DOCK10: variants seen among roughly 807,000 people sequenced by gnomAD.
DOCK10 encodes the protein dedicator of cytokinesis 10.
A neutral mutation model predicts 280.1 loss-of-function variants in DOCK10; 145 were observed. That is an observed-to-expected ratio of 0.52 (90% CI 0.45 to 0.59). The LOEUF (loss-of-function observed/expected upper bound fraction) is 0.59. Ranked by LOEUF, DOCK10 falls within the 20% of genes least tolerant of loss-of-function variation. DOCK10 has a pLI of 0.00. For synonymous variants in DOCK10, 915 were observed against 942.2 expected (o/e 0.97, Z 0.53); for missense variants, 2,368 against 2,651.7 (o/e 0.89, Z 2.35).
intron 14 of DOCK10, 125 bp from the exon 15 acceptor site, chr2:224,857,107 A>G: frequency 1.2e-5 from 9 of 772,012 alleles, no homozygotes; most frequent in Non-Finnish European, 1.6e-5. Flanking sequence ...TATAAAATAA[A>G]AAGACCAAAA....
At chr2:224,948,911 T>C (rs1703575814) in intron 1 of DOCK10, among the ~76,000 whole-genome samples, 1 of 152,258 alleles carries the variant, frequency 6.6e-6, no homozygotes, top group African/African-American at 2.4e-5. Context: ...TATTTTGTCC[T>C]CTATTCCTCT....
intron 1 of DOCK10, among the ~76,000 whole-genome samples, chr2:225,029,898 C>T (rs982005135): frequency 1.3e-5 from 2 of 151,932 alleles, no homozygotes; most frequent in Non-Finnish European, 2.9e-5. Flanking sequence ...AATCCCAGCA[C>T]TTTGGGAGGC....
chr2:224,846,314 C>A (rs1317139274), intron 19 of DOCK10, among the ~76,000 whole-genome samples: 1 of 152,098 alleles, frequency 6.6e-6, no homozygotes. Context: ...TTAAGGGACA[C>A]GAATTGAATA....
At chr2:224,821,847 CCCCCTTTAAACTTTT>C (rs1370440154) in intron 28 of DOCK10, among the ~76,000 whole-genome samples, 1 of 152,018 alleles carries the variant, frequency 6.6e-6, no homozygotes, top group Non-Finnish European at 1.5e-5. Context: ...GTAACTTTTC[CCCCCTTTAAACTTTT>C]CCCCTTTAAC....
Position 224,931,531 on chromosome 2 carries a change from T to C in DOCK10, c.243+18A>G. On this transcript the variant is annotated intron_variant, in intron 2 of 55. Transcript: ENST00000258390. ...AGGGCCCTCCTGAATCTAAATGGCT[T>C]GAGAAGAGAAGACTTACTGAAAAGT... The C allele has an allele frequency of 6.3e-7, 1 of 1,593,740 alleles. No individual in the cohort carries two copies. The highest frequency in any genetic ancestry group is 2.3e-5 in the East Asian group (1 of 44,408).
intron 2 of DOCK10, among the ~76,000 whole-genome samples, chr2:224,927,094 G>T (rs1367280863): frequency 1.3e-5 from 2 of 152,182 alleles, no homozygotes; most frequent in Admixed American, 1.3e-4. Flanking sequence ...GGAAGTCAGG[G>T]ATGCTTCTTT....
intron 1 of DOCK10, among the ~76,000 whole-genome samples, chr2:224,969,080 C>T (rs1389241109): frequency 2.0e-5 from 3 of 152,176 alleles, no homozygotes; most frequent in Non-Finnish European, 2.9e-5. Context: ...GATTTTTTTT[C>T]TACTTTTTGG....
chr2:224,996,588 C>T (rs1024540045), intron 1 of DOCK10, among the ~76,000 whole-genome samples: 1 of 152,156 alleles, frequency 6.6e-6, no homozygotes, highest in South Asian at 2.1e-4. Flanking sequence ...ATGGAATGCA[C>T]GGCTACCTTG....
At chr2:224,782,344 C>T (rs1691410584) in intron 50 of DOCK10, among the ~76,000 whole-genome samples, 1 of 152,066 alleles carries the variant, frequency 6.6e-6, no homozygotes, top group African/African-American at 2.4e-5. Flanking sequence ...AAAATTCTTC[C>T]AGGTCTTTTA....
intron 1 of DOCK10, among the ~76,000 whole-genome samples, chr2:224,948,836 T>G (rs1703571891): frequency 6.6e-6 from 1 of 152,236 alleles, no homozygotes; most frequent in African/African-American, 2.4e-5. Flanking sequence ...TACTGTCTTA[T>G]AACAAAGCAT....
intron 3 of DOCK10, among the ~76,000 whole-genome samples, chr2:224,906,873 G>A (rs1021431933): frequency 1.3e-5 from 2 of 152,240 alleles, no homozygotes; most frequent in African/African-American, 2.4e-5. Context: ...CTGATGGTAT[G>A]CACCTTGAGG....
At chr2:224,908,647 C>T (rs939278200) in intron 3 of DOCK10, among the ~76,000 whole-genome samples, 1 of 152,122 alleles carries the variant, frequency 6.6e-6, no homozygotes, top group African/African-American at 2.4e-5. Context: ...CAGGTGCACA[C>T]CATCATGCCC....
intron 30 of DOCK10, among the ~76,000 whole-genome samples, chr2:224,815,542 T>C (rs1574869213): frequency 6.6e-6 from 1 of 152,050 alleles, no homozygotes. Context: ...TTCTACCCTA[T>C]TTTCTATGAA....
intron 22 of DOCK10, among the ~76,000 whole-genome samples, chr2:224,844,419 C>T (rs573859691): frequency 5.3e-5 from 8 of 152,252 alleles, no homozygotes; most frequent in South Asian, 2.1e-4. Context: ...AGTGAGCCAC[C>T]GGGCCTGGCC....
At chr2:224,874,497 C>T (rs1698502725) in intron 9 of DOCK10, 148 bp from the exon 10 acceptor site, 1 of 911,020 alleles carries the variant, frequency 1.1e-6, no homozygotes, top group Non-Finnish European at 1.7e-6. Flanking sequence ...AAGTATGTTT[C>T]CTTTTTGAGC....
chr2:224,829,368 G>T (rs1282317269), intron 27 of DOCK10, among the ~76,000 whole-genome samples: 1 of 152,198 alleles, frequency 6.6e-6, no homozygotes, highest in African/African-American at 2.4e-5. Context: ...ACGGGTGCTT[G>T]GTCTGTGGAG....
At chr2:224,882,074 A>G (rs748701515) in intron 7 of DOCK10, among the ~76,000 whole-genome samples, 21 of 152,184 alleles carry the variant, frequency 1.4e-4, no homozygotes, top group Non-Finnish European at 2.2e-4. Flanking sequence ...GTCCACACCC[A>G]TGTAAGCCTG....
At chr2:224,919,517 G>A (rs1475582948) in intron 2 of DOCK10, among the ~76,000 whole-genome samples, 1 of 151,374 alleles carries the variant, frequency 6.6e-6, no homozygotes, top group African/African-American at 2.4e-5. Context: ...TACGTGTGGT[G>A]TGAATGTGTG....
At chr2:224,958,872 G>A (rs1032266853) in intron 1 of DOCK10, among the ~76,000 whole-genome samples, 2 of 152,020 alleles carry the variant, frequency 1.3e-5, no homozygotes, top group African/African-American at 4.8e-5. Flanking sequence ...TTTTCTCCCC[G>A]TCTTCCTCTT....
Sources: allele counts gnomAD v4.1 joint callset (sites outside exome capture counted in the v4.1 genomes callset), GRCh38; gene constraint gnomAD v4.1.1; transcripts MANE v1.5; gene names NCBI Gene and HGNC (gene_info 2026-07-23, HGNC 2026-07-21).